LINGO2: variants seen among roughly 807,000 people sequenced by gnomAD.
The protein encoded by LINGO2 is leucine-rich repeat and immunoglobulin-like domain-containing nogo receptor-interacting protein 2.
In LINGO2, 14 loss-of-function variants were observed where a neutral mutation model predicts 30.6. The ratio of observed to expected loss-of-function variants is 0.46; its 90% confidence interval spans 0.30 to 0.72. LINGO2 has a LOEUF of 0.72. Among genes scored for constraint, LINGO2 ranks in the 30% least tolerant of loss-of-function variants. The pLI, the probability that LINGO2 is intolerant of heterozygous loss-of-function variation, is 0.07. For missense variants in LINGO2, 729 were observed against 751.7 expected (o/e 0.97, Z 0.35); for synonymous variants, 317 against 288.5 (o/e 1.10, Z -1.00).
chr9:29,151,247 AG>A, the LINGO2 span, among the ~76,000 whole-genome samples: 1 of 152,238 alleles, frequency 6.6e-6, no homozygotes, highest in Non-Finnish European at 1.5e-5. Context: ...GCCTTATAAA[AG>A]GTCTTTAAGA....
the LINGO2 span, among the ~76,000 whole-genome samples, chr9:28,810,141 GA>G: frequency 0.8 from 120,943 of 151,816 alleles, 48,147 homozygotes; most frequent in East Asian, 0.9. Flanking sequence ...GGAAAATTAA[GA>G]AAAAAAAAGT....
intron 4 of LINGO2, among the ~76,000 whole-genome samples, chr9:28,290,646 T>C (rs1234777288): frequency 6.6e-6 from 1 of 152,054 alleles, no homozygotes; most frequent in African/African-American, 2.4e-5. Context: ...TAACAATGTG[T>C]GAGAAAACAG....
chr9:28,730,626 A>G, the LINGO2 span, among the ~76,000 whole-genome samples: 1 of 152,300 alleles, frequency 6.6e-6, no homozygotes, highest in East Asian at 1.9e-4. Context: ...GTCAATTAGA[A>G]AATGGGCAAA....
chr9:28,067,560 C>A (rs1341335855), intron 4 of LINGO2, among the ~76,000 whole-genome samples: 1 of 152,052 alleles, frequency 6.6e-6, no homozygotes, highest in Non-Finnish European at 1.5e-5. Flanking sequence ...ATGTACTTTG[C>A]CTCTGGAAGA....
intron 4 of LINGO2, among the ~76,000 whole-genome samples, chr9:28,041,011 C>A (rs139033113): frequency 3.0e-3 from 452 of 152,288 alleles, no homozygotes; most frequent in African/African-American, 0.01. Context: ...GAGAGGACTT[C>A]ATCCAACTGT....
chr9:28,136,617 T>A (rs1563995460), intron 4 of LINGO2, among the ~76,000 whole-genome samples: 1 of 152,196 alleles, frequency 6.6e-6, no homozygotes, highest in East Asian at 1.9e-4. Context: ...TTAGAGAGAA[T>A]TCCTCCAGTG....
the LINGO2 span, among the ~76,000 whole-genome samples, chr9:28,953,093 G>A: frequency 6.6e-6 from 1 of 152,152 alleles, no homozygotes; most frequent in Admixed American, 6.6e-5. Context: ...AATGAGGAAT[G>A]TACTCACTCT....
the LINGO2 span, among the ~76,000 whole-genome samples, chr9:29,064,531 A>G: frequency 3.9e-5 from 6 of 152,110 alleles, no homozygotes; most frequent in Admixed American, 2.0e-4. Flanking sequence ...TAATTTTTAT[A>G]AAAATCTGCT....
chr9:28,372,928 C>G (rs1358204223), intron 2 of LINGO2, 60 bp from the exon 5 acceptor site: 2 of 152,302 alleles, frequency 1.3e-5, no homozygotes, highest in African/African-American at 4.8e-5. Flanking sequence ...TAAAGTAACA[C>G]AAGAAGTCAA....
intron 4 of LINGO2, among the ~76,000 whole-genome samples, chr9:28,042,226 A>T (rs1008295516): frequency 6.6e-6 from 1 of 152,192 alleles, no homozygotes; most frequent in African/African-American, 2.4e-5. Context: ...TTCATTTAAG[A>T]ACAGACATGA....
At chr9:28,801,593 C>T in the LINGO2 span, among the ~76,000 whole-genome samples, 20 of 152,128 alleles carry the variant, frequency 1.3e-4, no homozygotes, top group South Asian at 2.9e-3. Context: ...ATCTACATTC[C>T]TTTTGTCCGC....
chr9:28,213,554 T>C (rs1820666366), intron 4 of LINGO2, among the ~76,000 whole-genome samples: 1 of 151,492 alleles, frequency 6.6e-6, no homozygotes, highest in African/African-American at 2.4e-5. Context: ...ACATTTTTCC[T>C]GGATCCTTTT....
At chr9:28,375,631 AG>A (rs1821100275) in intron 2 of LINGO2, among the ~76,000 whole-genome samples, 1 of 152,212 alleles carries the variant, frequency 6.6e-6, no homozygotes, top group South Asian at 2.1e-4. Context: ...GGAATCCTAA[AG>A]ATGTGGTAAA....
At chr9:28,384,329 C>CTATA (rs3064858) in intron 2 of LINGO2, among the ~76,000 whole-genome samples, 1,838 of 123,300 alleles carry the variant, frequency 0.015, 34 homozygotes, top group African/African-American at 0.039. Flanking sequence ...ATGTTATGCA[C>CTATA]TATATATATA....
chr9:29,143,115 C>T, the LINGO2 span, among the ~76,000 whole-genome samples: 2 of 151,928 alleles, frequency 1.3e-5, no homozygotes, highest in Admixed American at 1.3e-4. Flanking sequence ...ACACTGAAAA[C>T]TACAAAACAT....
chr9:28,804,659 T>C, the LINGO2 span, among the ~76,000 whole-genome samples: 5 of 152,110 alleles, frequency 3.3e-5, no homozygotes, highest in African/African-American at 1.2e-4. Flanking sequence ...ATAATTTGTC[T>C]ATATTCTAAG....
chr9:28,316,193 T>C (rs1467640445), intron 3 of LINGO2, among the ~76,000 whole-genome samples: 2 of 152,108 alleles, frequency 1.3e-5, no homozygotes, highest in East Asian at 1.9e-4. Flanking sequence ...TTATTAAATA[T>C]ATATTATTAC....
intron 3 of LINGO2, among the ~76,000 whole-genome samples, chr9:28,348,799 T>C (rs1322567455): frequency 2.0e-5 from 3 of 151,976 alleles, no homozygotes. Flanking sequence ...CAGCTGGAGA[T>C]CTGAGAACGG....
chr9:28,016,531 C>A (rs1822846682), intron 4 of LINGO2, among the ~76,000 whole-genome samples: 1 of 151,752 alleles, frequency 6.6e-6, no homozygotes, highest in Non-Finnish European at 1.5e-5. Flanking sequence ...ATAATAAAAA[C>A]CCCTAAGAGA....
Sources: allele counts gnomAD v4.1 joint callset (sites outside exome capture counted in the v4.1 genomes callset), GRCh38; gene constraint gnomAD v4.1.1; transcripts MANE v1.5; gene names NCBI Gene and HGNC (gene_info 2026-07-23, HGNC 2026-07-21).